The following ABCB5 variants were observed in gnomAD, a reference collection of about 807,000 sequenced individuals.
ABCB5 encodes ATP binding cassette subfamily B member 5.
ABCB5 carries 155 observed loss-of-function variants against 144.2 expected under a neutral mutation model. The observed-to-expected ratio is 1.08, with a 90% CI of 0.94 to 1.23. The LOEUF (loss-of-function observed/expected upper bound fraction) is 1.23. Ranked by LOEUF, ABCB5 falls within the 50% of genes most tolerant of loss-of-function variation. The pLI, the probability that ABCB5 is intolerant of heterozygous loss-of-function variation, is 0.00. For missense variants in ABCB5, 1,830 were observed against 1,520.8 expected (o/e 1.20, Z -3.38); for synonymous variants, 610 against 528.6 (o/e 1.15, Z -2.11).
At chr7:20,704,301 C>T (rs1248542849) in intron 19 of ABCB5, among the ~76,000 whole-genome samples, 5 of 151,756 alleles carry the variant, frequency 3.3e-5, no homozygotes, top group African/African-American at 1.2e-4. Flanking sequence ...GGTCTCGACC[C>T]CCTAGACTCA....
At chr7:20,644,085 T>C (rs1784353030) in intron 7 of ABCB5, among the ~76,000 whole-genome samples, 1 of 144,778 alleles carries the variant, frequency 6.9e-6, no homozygotes, top group African/African-American at 2.8e-5. Flanking sequence ...TGTATATATG[T>C]AAAGTTTTTT....
chr7:20,658,728 T>C, intron 14 of ABCB5, 52 bp downstream of exon 14: 4 of 1,590,340 alleles, frequency 2.5e-6, no homozygotes, highest in African/African-American at 2.7e-5. Context: ...CATTATTGTT[T>C]TGAAGTACAA....
chr7:20,732,533 T>C (rs541832556), intron 23 of ABCB5, among the ~76,000 whole-genome samples: 13 of 152,330 alleles, frequency 8.5e-5, no homozygotes, highest in African/African-American at 3.1e-4. Flanking sequence ...AATGAATGAC[T>C]GAATCAAAAT....
intron 15 of ABCB5, 86 bp downstream of exon 15, chr7:20,681,752 A>C: frequency 6.8e-7 from 1 of 1,480,896 alleles, no homozygotes; most frequent in South Asian, 1.4e-5. Context: ...GTTGCAAATT[A>C]TAATCTTAAA....
intron 1 of ABCB5, among the ~76,000 whole-genome samples, chr7:20,618,289 T>C (rs1208966344): frequency 6.6e-6 from 1 of 152,244 alleles, no homozygotes; most frequent in Non-Finnish European, 1.5e-5. Flanking sequence ...ATTAATGGAA[T>C]TATATAGTAT....
intron 23 of ABCB5, among the ~76,000 whole-genome samples, chr7:20,730,761 G>A (rs898683625): frequency 7.9e-5 from 12 of 152,072 alleles, no homozygotes; most frequent in Non-Finnish European, 1.6e-4. Context: ...TATAATCCAG[G>A]CACTCCCAAG....
intron 1 of ABCB5, among the ~76,000 whole-genome samples, chr7:20,620,194 T>C (rs59769002): frequency 0.047 from 7,182 of 152,200 alleles, 532 homozygotes; most frequent in African/African-American, 0.15. Flanking sequence ...TAAAACTGGA[T>C]ATCCACATTC....
intron 20 of ABCB5, among the ~76,000 whole-genome samples, chr7:20,716,908 G>A (rs1056989202): frequency 6.6e-6 from 1 of 152,096 alleles, no homozygotes; most frequent in Non-Finnish European, 1.5e-5. Flanking sequence ...CAGCCTTAGG[G>A]AATCTCCTTT....
intron 14 of ABCB5, chr7:20,659,155 T>A: frequency 6.2e-7 from 1 of 1,613,680 alleles, no homozygotes; most frequent in South Asian, 1.1e-5. Flanking sequence ...CTCTGGCCCC[T>A]CAAACCTCAC....
At chr7:20,630,859 G>C (rs1432228902) in intron 4 of ABCB5, among the ~76,000 whole-genome samples, 1 of 152,082 alleles carries the variant, frequency 6.6e-6, no homozygotes, top group African/African-American at 2.4e-5. Flanking sequence ...AATTTTTCTT[G>C]TTGTTCAAGG....
chr7:20,735,457 T>C (rs1370096852), intron 23 of ABCB5, among the ~76,000 whole-genome samples: 1 of 152,180 alleles, frequency 6.6e-6, no homozygotes, highest in Admixed American at 6.5e-5. Flanking sequence ...GTGAGTGTTA[T>C]TGCTGTGTTA....
intron 27 of ABCB5, among the ~76,000 whole-genome samples, chr7:20,754,735 G>C (rs1783032620): frequency 6.6e-6 from 1 of 152,218 alleles, no homozygotes; most frequent in Non-Finnish European, 1.5e-5. Flanking sequence ...CTGACTTTGA[G>C]TTTAGAACTA....
intron 20 of ABCB5, among the ~76,000 whole-genome samples, chr7:20,711,790 T>TTCTCTCTCTC (rs1334192971): frequency 0.011 from 492 of 45,888 alleles, 55 homozygotes; most frequent in African/African-American, 0.023. Context: ...CTTTCTTTCT[T>TTCTCTCTCTC]TCTTTCTTTC....
At chr7:20,692,412 C>T (rs7794995) in intron 16 of ABCB5, among the ~76,000 whole-genome samples, 2,555 of 151,586 alleles carry the variant, frequency 0.017, 70 homozygotes, top group African/African-American at 0.059. Context: ...AAAAGGAAGG[C>T]AAAGTTCAGA....
intron 5 of ABCB5, among the ~76,000 whole-genome samples, chr7:20,635,525 T>G (rs1469096995): frequency 6.6e-6 from 1 of 152,128 alleles, no homozygotes; most frequent in African/African-American, 2.4e-5. Context: ...TGATATTGAT[T>G]CTTCAGATCC....
At chr7:20,629,142 C>CTGTGTG (rs1486662796) in intron 4 of ABCB5, among the ~76,000 whole-genome samples, 14 of 41,752 alleles carry the variant, frequency 3.4e-4, no homozygotes, top group African/African-American at 8.2e-4. Flanking sequence ...GAGAGAGAGA[C>CTGTGTG]TGCGTGTGTG....
chr7:20,739,632 G>A (rs1209921971), intron 24 of ABCB5, among the ~76,000 whole-genome samples: 1 of 151,222 alleles, frequency 6.6e-6, no homozygotes, highest in Non-Finnish European at 1.5e-5. Context: ...GAATGTTCTT[G>A]AAAAAAAAGA....
At chr7:20,747,830 A>T (rs943626377) in intron 26 of ABCB5, among the ~76,000 whole-genome samples, 3 of 152,114 alleles carry the variant, frequency 2.0e-5, no homozygotes, top group Middle Eastern at 3.2e-3. Context: ...AAAATAGTTT[A>T]AAAAAAATCA....
Position 20,739,073 on chromosome 7 carries a change from G to T in ABCB5, c.2958G>T (p.Ala986=). Residue 986 remains alanine (A), a synonymous_variant, in exon 24 of 28, where the codon GCG becomes GCT. Transcript: ENST00000404938. The part of the protein sequence containing the change: ...PEYSKAKSGA[A]HLFALLEKKP... ...ATTCCAAAGCCAAATCGGGGGCTGC[G>T]CATCTGTTTGCCTTGTTGGAAAAGA... 6.2e-7 allele frequency: 1 copy of T among 1,611,060 alleles called. No individual in the cohort carries two copies. Among genetic ancestry groups the T allele is most frequent in the Non-Finnish European group, 8.5e-7 (1 of 1,178,754 alleles).
Sources: gnomAD v4.1 joint callset for allele counts (sites outside exome capture counted in the v4.1 genomes callset) on GRCh38, gnomAD v4.1.1 for gene constraint, MANE v1.5 for transcripts, NCBI Gene and HGNC (gene_info 2026-07-23, HGNC 2026-07-21) for gene names.